The following NRP2 variants were observed in gnomAD, a reference collection of about 807,000 sequenced individuals.
The protein encoded by NRP2 is neuropilin 2.
In NRP2, 52 loss-of-function variants were observed where a neutral mutation model predicts 110.4. The observed-to-expected ratio is 0.47, with a 90% CI of 0.38 to 0.59. The LOEUF (loss-of-function observed/expected upper bound fraction) is 0.59. Among genes scored for constraint, NRP2 ranks in the 20% least tolerant of loss-of-function variants. The pLI, the probability that NRP2 is intolerant of heterozygous loss-of-function variation, is 0.00. For missense variants in NRP2, 1,049 were observed against 1,203.0 expected, an observed-to-expected ratio of 0.87 and a Z score of 1.89; for synonymous variants, 508 against 468.9, an observed-to-expected ratio of 1.08 and a Z score of -1.08.
chr2:205,716,459 T>C, intron 3 of NRP2, 85 bp downstream of exon 3: 1 of 1,417,376 alleles, frequency 7.1e-7, no homozygotes, highest in Non-Finnish European at 9.9e-7. Flanking sequence ...AGGCACTGGG[T>C]AAGGGTGACA....
chr2:205,742,463 A>G (rs1418019179), intron 8 of NRP2, among the ~76,000 whole-genome samples: 1 of 152,224 alleles, frequency 6.6e-6, no homozygotes, highest in African/African-American at 2.4e-5. Flanking sequence ...AGGGAAACCA[A>G]TTTAGTGAGG....
intron 15 of NRP2, among the ~76,000 whole-genome samples, chr2:205,788,963 C>G (rs771899486): frequency 1.8e-4 from 28 of 152,168 alleles, no homozygotes; most frequent in South Asian, 1.0e-3. Flanking sequence ...ATTTAGTTTC[C>G]TGCTCTGGGT....
Position 205,763,680 on chromosome 2 carries a change from G to C in NRP2, c.2051G>C (p.Arg684Thr). The C allele has an allele frequency of 6.2e-7, 1 of 1,614,224 alleles. No homozygotes were observed. The highest frequency in any genetic ancestry group is 8.5e-7 in the Non-Finnish European group (1 of 1,180,044). Residue 684 changes from arginine (R) to threonine (T), a missense_variant, in exon 13 of 17, where the codon AGG becomes ACG. Coordinates refer to ENST00000357785, the MANE Select transcript of NRP2 (RefSeq NM_003872.3). This position sits in a 1 kb window ranked among gnomAD's most constrained non-coding sequence, Gnocchi z 4.0. ...SPNDRTFPDD[R>T]NFLRLQSDSQ... is the part of the protein sequence containing the mutation. ...TTGGGTTTGTTTCTGCCAGATGACA[G>C]GAATTTCTTGCGGCTGCAGAGTGAC...
chr2:205,726,331 A>G (rs549977002), intron 6 of NRP2, among the ~76,000 whole-genome samples: 2 of 152,328 alleles, frequency 1.3e-5, no homozygotes, highest in East Asian at 3.9e-4. Flanking sequence ...TTGTTTGGCC[A>G]GGATGCTGTT....
At chr2:205,766,985 T>C in intron 15 of NRP2, 182 bp downstream of exon 15, 1 of 639,918 alleles carries the variant, frequency 1.6e-6, no homozygotes, top group South Asian at 1.8e-5. Context: ...GGAAGGGGAT[T>C]GAGAGCCTCA....
intron 13 of NRP2, among the ~76,000 whole-genome samples, chr2:205,764,995 T>A (rs988992775): frequency 4.6e-5 from 7 of 152,214 alleles, no homozygotes; most frequent in Admixed American, 3.3e-4. Context: ...GTTGTAATAA[T>A]GAAGCCCTAA....
At chr2:205,737,351 G>T (rs1465832268) in intron 7 of NRP2, among the ~76,000 whole-genome samples, 1 of 152,220 alleles carries the variant, frequency 6.6e-6, no homozygotes, top group African/African-American at 2.4e-5. Context: ...GCGAAGAAAG[G>T]TTTAGAAGCA....
At chr2:205,789,490 T>C (rs1217643053) in intron 15 of NRP2, among the ~76,000 whole-genome samples, 1 of 152,208 alleles carries the variant, frequency 6.6e-6, no homozygotes, top group African/African-American at 2.4e-5. Flanking sequence ...GTTTTCCCCA[T>C]TGAAAACAAA....
intron 14 of NRP2, chr2:205,765,785 T>C (rs773182901): frequency 1.9e-4 from 130 of 691,162 alleles, no homozygotes; most frequent in Non-Finnish European, 3.4e-4. Context: ...ATATCCCTGT[T>C]CCCAATCAGA....
At chr2:205,752,479 G>A in intron 11 of NRP2, 1 of 332,408 alleles carries the variant, frequency 3.0e-6, no homozygotes, top group Non-Finnish European at 5.8e-6. Context: ...CTTCCACCAG[G>A]GCACTGGGGA....
At chr2:205,729,892 C>T (rs2057202813) in intron 7 of NRP2, among the ~76,000 whole-genome samples, 1 of 152,138 alleles carries the variant, frequency 6.6e-6, no homozygotes, top group African/African-American at 2.4e-5. Context: ...CTCCTCTTTC[C>T]CCACTTGGCT....
intron 15 of NRP2, chr2:205,779,405 T>C (rs965536440): frequency 5.9e-5 from 9 of 152,254 alleles, no homozygotes; most frequent in African/African-American, 1.9e-4. Flanking sequence ...TCCCACATTT[T>C]TGGGATTAAA....
chr2:205,754,316 G>A (rs767744940), intron 12 of NRP2, among the ~76,000 whole-genome samples: 2 of 152,204 alleles, frequency 1.3e-5, no homozygotes, highest in Middle Eastern at 3.2e-3. Flanking sequence ...CCTTCTTCCC[G>A]GTGGGGGCAG....
chr2:205,733,898 C>T (rs2057290396), intron 7 of NRP2, among the ~76,000 whole-genome samples: 1 of 152,072 alleles, frequency 6.6e-6, no homozygotes, highest in Admixed American at 6.5e-5. Context: ...CAGGCCTCAG[C>T]GTCTCGATGG....
rs550176667 is a variant in NRP2 at position 205,773,001 on chromosome 2, G to A, written c.2425+6198G>A. Among the ~76,000 whole-genome samples the A allele has an allele frequency of 5.9e-5, 9 of 152,326 alleles. No individual in the cohort carries two copies. In the East Asian group the frequency reaches 7.7e-4, roughly 13 times the overall value. ...CCAAATATATTCCCCTATGCCATCC[G>A]TCCATTTATCCATCCACCTATCTAT... On this transcript the variant is annotated intron_variant, in intron 15 of 16. Coordinates refer to ENST00000357785, the MANE Select transcript of NRP2 (RefSeq NM_003872.3).
chr2:205,746,046 A>G (rs568022570), intron 10 of NRP2, among the ~76,000 whole-genome samples, 156 bp downstream of exon 10: 1 of 152,308 alleles, frequency 6.6e-6, no homozygotes, highest in Non-Finnish European at 1.5e-5. Context: ...GACCACGGGT[A>G]CTGCAGCCTC....
At chr2:205,703,047 T>C (rs538420121) in intron 2 of NRP2, among the ~76,000 whole-genome samples, 1 of 152,366 alleles carries the variant, frequency 6.6e-6, no homozygotes, top group African/African-American at 2.4e-5. Context: ...ATGTACTTCA[T>C]ATCTAAACTC....
intron 2 of NRP2, among the ~76,000 whole-genome samples, chr2:205,705,223 T>C (rs2056649959): frequency 6.6e-6 from 1 of 152,070 alleles, no homozygotes; most frequent in Non-Finnish European, 1.5e-5. Context: ...TGTCTTTCCT[T>C]CCAGAAAAGA....
At position 205,791,399 on chromosome 2, in the gene NRP2, G is replaced by A. The variant is rs114489796; in HGVS notation, c.2426-836G>A. On this transcript the variant is annotated intron_variant, in intron 15 of 16. Coordinates refer to ENST00000357785, the MANE Select transcript of NRP2 (RefSeq NM_003872.3). ...AAGAAATGATAAGATGTTGCTCTTTGCCATGCATTTGATGTTCTCTATTAA... is the reference window on the plus strand; with the variant it reads ...AAGAAATGATAAGATGTTGCTCTTTACCATGCATTTGATGTTCTCTATTAA... 1.8e-3 allele frequency among the ~76,000 whole-genome samples: 272 copies of A among 152,308 alleles called. 1 individual carries two copies. The highest frequency in any genetic ancestry group is 3.4e-3 in the Middle Eastern group (1 of 294).
Sources: gnomAD v4.1 joint callset for allele counts (sites outside exome capture counted in the v4.1 genomes callset) on GRCh38, gnomAD v4.1.1 for gene constraint, Gnocchi (gnomAD v3.1) non-coding constraint, MANE v1.5 for transcripts, NCBI Gene and HGNC (gene_info 2026-07-23, HGNC 2026-07-21) for gene names.